DNAH11: variants seen among roughly 807,000 people sequenced by gnomAD.
DNAH11 encodes the protein dynein axonemal heavy chain 11.
Under a neutral mutation model 526.0 loss-of-function variants are expected in DNAH11, and 442 were observed. That is an observed-to-expected ratio of 0.84 (90% CI 0.78 to 0.91). DNAH11 has a LOEUF of 0.91. Among genes scored for constraint, DNAH11 ranks in the 40% least tolerant of loss-of-function variants. The pLI is 0.00. For synonymous variants in DNAH11, 2,461 were observed against 1,935.9 expected, an observed-to-expected ratio of 1.27 and a Z score of -7.12; for missense variants, 6,989 against 5,448.7, an observed-to-expected ratio of 1.28 and a Z score of -8.90.
intron 65 of DNAH11, 51 bp from the exon 66 acceptor site, chr7:21,842,493 C>T (rs1247126934): frequency 6.3e-6 from 9 of 1,438,092 alleles, no homozygotes; most frequent in South Asian, 2.6e-5. Flanking sequence ...ACCGTAGTAT[C>T]AGTTATGGGT....
intron 54 of DNAH11, among the ~76,000 whole-genome samples, chr7:21,754,513 A>G: frequency 6.6e-6 from 1 of 151,962 alleles, no homozygotes. Flanking sequence ...CTCATTTTTT[A>G]TTTAACTCAA....
chr7:21,812,072 A>G (rs533538443), intron 63 of DNAH11, among the ~76,000 whole-genome samples: 8 of 152,240 alleles, frequency 5.3e-5, no homozygotes, highest in African/African-American at 1.7e-4. Flanking sequence ...AATTCCCCCA[A>G]CTGGAATAGA....
At chr7:21,762,003 T>C (rs1362147109) in intron 54 of DNAH11, among the ~76,000 whole-genome samples, 2 of 152,180 alleles carry the variant, frequency 1.3e-5, no homozygotes. Context: ...AGCAAGTACC[T>C]TCTTCAGATG....
chr7:21,824,587 T>C (rs1790196178), intron 65 of DNAH11, among the ~76,000 whole-genome samples: 1 of 152,098 alleles, frequency 6.6e-6, no homozygotes, highest in Admixed American at 6.5e-5. Context: ...CTACAAATAG[T>C]CAATAAGCAC....
At position 21,726,657 on chromosome 7, in the gene DNAH11, C is replaced by T. The variant is rs867733951; in HGVS notation, c.7440+673C>T. Among the ~76,000 whole-genome samples, 13 of 151,126 alleles carry T rather than the reference C, an allele frequency of 8.6e-5. No homozygotes were observed. In the South Asian group the frequency reaches 1.3e-3, roughly 15 times the overall value. On this transcript the variant is annotated intron_variant, in intron 45 of 81. Coordinates refer to ENST00000409508, the MANE Select transcript of DNAH11 (RefSeq NM_001277115.2). ...TGGGCAGATCACGAGGTCAGGAGAT[C>T]GAGGCCATCCTGGCTAACACGGTGA...
chr7:21,713,505 G>T (rs1407233875), intron 42 of DNAH11, among the ~76,000 whole-genome samples: 2 of 152,074 alleles, frequency 1.3e-5, no homozygotes, highest in African/African-American at 2.4e-5. Flanking sequence ...CCAGGTTCTG[G>T]CAGTCCTTCG....
intron 61 of DNAH11, among the ~76,000 whole-genome samples, chr7:21,798,728 C>T (rs974982309): frequency 1.3e-5 from 2 of 152,166 alleles, no homozygotes; most frequent in African/African-American, 4.8e-5. Flanking sequence ...TTTTCAGCTG[C>T]TGTATGACAT....
intron 14 of DNAH11, among the ~76,000 whole-genome samples, chr7:21,598,310 C>T (rs879830260): frequency 6.6e-6 from 1 of 152,160 alleles, no homozygotes; most frequent in Non-Finnish European, 1.5e-5. Context: ...CTCAGCCTCT[C>T]TAGAATCAAC....
At chr7:21,814,929 CT>C (rs1789710391) in intron 63 of DNAH11, among the ~76,000 whole-genome samples, 2 of 152,122 alleles carry the variant, frequency 1.3e-5, no homozygotes, top group Non-Finnish European at 2.9e-5. Context: ...GGACACAATA[CT>C]ATCGAAACAT....
intron 46 of DNAH11, 44 bp from the exon 47 acceptor site, chr7:21,738,657 T>C: frequency 6.6e-7 from 1 of 1,504,648 alleles, no homozygotes; most frequent in African/African-American, 1.4e-5. Flanking sequence ...AAATGAACAT[T>C]TACATTCTGT....
chr7:21,895,684 C>T (rs1244443958), intron 79 of DNAH11, among the ~76,000 whole-genome samples: 2 of 152,174 alleles, frequency 1.3e-5, no homozygotes, highest in Non-Finnish European at 2.9e-5. Context: ...CTGTACCATT[C>T]CTATTATTTT....
chr7:21,892,716 T>C lies in DNAH11; in HGVS notation c.12750+49T>C, dbSNP rs774098704. 1.8e-5 allele frequency: 27 copies of C among 1,512,136 alleles called. No homozygotes were observed. The South Asian group carries it at 3.2e-4, about 18-fold the overall frequency. 93.7% of individuals were successfully genotyped at this position (1,512,136 alleles called of 1,614,324 possible). On this transcript the variant is annotated intron_variant, in intron 77 of 81. Transcript: ENST00000409508. ...CTTTTTCATTGAAGTATAACTTACTTGTACTGAAGTCTACTAATCTTAATT... is the reference window on the plus strand; with the variant it reads ...CTTTTTCATTGAAGTATAACTTACTCGTACTGAAGTCTACTAATCTTAATT...
chr7:21,894,546 A>T, intron 77 of DNAH11, 77 bp from the exon 78 acceptor site: 1 of 1,442,326 alleles, frequency 6.9e-7, no homozygotes, highest in African/African-American at 1.4e-5. Context: ...GTAACTTCAA[A>T]AAGTAGAGGA....
At chr7:21,851,387 A>T (rs963907823) in intron 66 of DNAH11, 2 of 302,450 alleles carry the variant, frequency 6.6e-6, no homozygotes, top group Non-Finnish European at 1.3e-5. Flanking sequence ...TTCTTTTTAA[A>T]TTACCCAGTC....
chr7:21,660,135 G>T lies in DNAH11; in HGVS notation c.5328+1104G>T, dbSNP rs117570026. On this transcript the variant is annotated intron_variant, in intron 30 of 81. Transcript: ENST00000409508. ...TTCTAGTAACTACCACTTGGATGCT[G>T]AAGCTGAGTAGTTAAATTTTTTTTC... Among the ~76,000 whole-genome samples, 1,303 of 152,116 alleles carry T rather than the reference G, an allele frequency of 8.6e-3. 45 individuals are homozygous for T. The South Asian group carries it at 0.089, about 10-fold the overall frequency.
At chr7:21,838,867 A>C (rs952910644) in intron 65 of DNAH11, among the ~76,000 whole-genome samples, 3 of 152,146 alleles carry the variant, frequency 2.0e-5, no homozygotes, top group Admixed American at 2.0e-4. Flanking sequence ...AGTAGCTGGG[A>C]CTACAGGTGT....
chr7:21,594,295 G>A (rs1784793730), intron 14 of DNAH11, among the ~76,000 whole-genome samples: 1 of 152,106 alleles, frequency 6.6e-6, no homozygotes, highest in Non-Finnish European at 1.5e-5. Flanking sequence ...AACCCATTAT[G>A]TATCTTGTCT....
chr7:21,850,494 C>T (rs1256855982), intron 66 of DNAH11, among the ~76,000 whole-genome samples: 2 of 151,836 alleles, frequency 1.3e-5, no homozygotes, highest in East Asian at 3.9e-4. Context: ...ATGGTGTTCA[C>T]TTTTCCATTA....
chr7:21,863,208 A>G (rs1029696525), intron 69 of DNAH11, among the ~76,000 whole-genome samples: 2 of 152,244 alleles, frequency 1.3e-5, no homozygotes, highest in Non-Finnish European at 2.9e-5. Flanking sequence ...CCAAATGTTA[A>G]GGAAAGGTCT....
Sources: gnomAD v4.1 joint callset for allele counts (sites outside exome capture counted in the v4.1 genomes callset) on GRCh38, gnomAD v4.1.1 for gene constraint, MANE v1.5 for transcripts, NCBI Gene and HGNC (gene_info 2026-07-23, HGNC 2026-07-21) for gene names.